PCGF6: variants seen among roughly 807,000 people sequenced by gnomAD.
PCGF6 encodes polycomb group RING finger protein 6.
In PCGF6, 24 loss-of-function variants were observed where a neutral mutation model predicts 45.5. That is an observed-to-expected ratio of 0.53 (90% CI 0.38 to 0.74). PCGF6 has a LOEUF of 0.74. PCGF6 is among the 30% of genes least tolerant of loss of function. The pLI, the probability that PCGF6 is intolerant of heterozygous loss-of-function variation, is 0.00. For synonymous variants in PCGF6, 152 were observed against 162.1 expected, an observed-to-expected ratio of 0.94 and a Z score of 0.47; for missense variants, 356 against 443.2, an observed-to-expected ratio of 0.80 and a Z score of 1.77.
intron 7 of PCGF6, among the ~76,000 whole-genome samples, chr10:103,328,040 G>A (rs2093225780): frequency 6.6e-6 from 1 of 152,010 alleles, no homozygotes; most frequent in African/African-American, 2.4e-5. Flanking sequence ...TGGAATGTGG[G>A]ACCCAATAGT....
chr10:103,304,095 T>A, intron 9 of PCGF6, 134 bp from the exon 10 acceptor site: 1 of 681,954 alleles, frequency 1.5e-6, no homozygotes, highest in Non-Finnish European at 2.5e-6. Context: ...AGAAAATAAG[T>A]GGACCATATA....
chr10:103,307,280 T>C (rs11191649), intron 9 of PCGF6, among the ~76,000 whole-genome samples: 81,143 of 151,416 alleles, frequency 0.54, 22,176 homozygotes, highest in South Asian at 0.66. Flanking sequence ...CCCATTTCTA[T>C]GAAAAATAAA....
rs991032615 is a variant in PCGF6 at position 103,336,376 on chromosome 10, G to A, written c.783-2424C>T. Among the ~76,000 whole-genome samples the A allele has an allele frequency of 4.6e-5, 7 of 151,332 alleles. No homozygotes were observed. In the East Asian group the frequency reaches 7.7e-4, roughly 17 times the overall value. On this transcript the variant is annotated intron_variant, in intron 6 of 9. Transcript: ENST00000369847. ...ATATATAAATGTAAACTGTAAATCCGTAAATGTACAAATAAATATAAAATA... is the reference window on the plus strand; with the variant it reads ...ATATATAAATGTAAACTGTAAATCCATAAATGTACAAATAAATATAAAATA...
chr10:103,341,926 C>A (rs1297843090), intron 6 of PCGF6, among the ~76,000 whole-genome samples: 1 of 151,822 alleles, frequency 6.6e-6, no homozygotes, highest in Non-Finnish European at 1.5e-5. Context: ...TTCCTAGGGG[C>A]ACTGCCATTA....
intron 5 of PCGF6, among the ~76,000 whole-genome samples, chr10:103,345,517 T>C (rs925433638): frequency 1.2e-4 from 18 of 152,228 alleles, no homozygotes; most frequent in South Asian, 6.2e-4. Flanking sequence ...GCTTTTTTTT[T>C]TTTTCTTAAC....
intron 8 of PCGF6, among the ~76,000 whole-genome samples, chr10:103,315,625 C>T (rs563042656): frequency 2.0e-5 from 3 of 152,234 alleles, no homozygotes; most frequent in Non-Finnish European, 2.9e-5. Context: ...TCCCAAAATG[C>T]TGGGATTACA....
intron 9 of PCGF6, among the ~76,000 whole-genome samples, chr10:103,308,870 A>G (rs535489850): frequency 2.0e-5 from 3 of 151,966 alleles, no homozygotes; most frequent in Non-Finnish European, 2.9e-5. Flanking sequence ...GAGAGACTCC[A>G]TCTCAAAAAA....
chr10:103,313,087 T>C (rs1475156695), intron 9 of PCGF6, among the ~76,000 whole-genome samples: 1 of 152,260 alleles, frequency 6.6e-6, no homozygotes, highest in African/African-American at 2.4e-5. Context: ...GTTTTTATTA[T>C]TTTGACTAAG....
At chr10:103,329,941 G>A (rs2093233911) in intron 7 of PCGF6, among the ~76,000 whole-genome samples, 1 of 150,828 alleles carries the variant, frequency 6.6e-6, no homozygotes, top group Non-Finnish European at 1.5e-5. Context: ...ACCATGCCCT[G>A]CTAATTTTTT....
chr10:103,348,991 A>T lies in PCGF6; in HGVS notation c.369T>A (p.Ile123=). 6.2e-7 allele frequency: 1 copy of T among 1,610,186 alleles called. No homozygotes were observed. Among genetic ancestry groups the T allele is most frequent in the South Asian group, 1.1e-5 (1 of 89,928 alleles). The change falls in exon 2 of 10, where the codon ATT becomes ATA. Residue 123 remains isoleucine, a synonymous_variant. Coordinates refer to ENST00000369847, the MANE Select transcript of PCGF6 (RefSeq NM_001011663.2). ...QDSEDEEERL[I]NLSELTPYIL... ...TGTATGGGGTCAGCTCAGAGAGATT[A>T]ATCAGGCGCTGCAAATAAACGGAAA...
intron 9 of PCGF6, among the ~76,000 whole-genome samples, chr10:103,304,298 A>G (rs1349660484): frequency 6.6e-6 from 1 of 151,526 alleles, no homozygotes; most frequent in Non-Finnish European, 1.5e-5. Context: ...CACCATACTC[A>G]GCTAATTTTT....
chr10:103,326,694 T>C, intron 7 of PCGF6, 62 bp from the exon 8 acceptor site: 1 of 1,197,310 alleles, frequency 8.4e-7, no homozygotes, highest in Non-Finnish European at 1.2e-6. Context: ...GCATGACGTA[T>C]GTGTATATAT....
chr10:103,347,790 G>A (rs1310237179), intron 3 of PCGF6, among the ~76,000 whole-genome samples: 2 of 152,104 alleles, frequency 1.3e-5, no homozygotes, highest in African/African-American at 4.8e-5. Context: ...CTAGGCTTAG[G>A]TGGATTTTTC....
chr10:103,316,239 C>T (rs1410111416), intron 8 of PCGF6, among the ~76,000 whole-genome samples: 1 of 152,100 alleles, frequency 6.6e-6, no homozygotes, highest in Non-Finnish European at 1.5e-5. Flanking sequence ...CTTTCAACTA[C>T]TGCCCATAGA....
At chr10:103,308,141 A>G (rs1223602516) in intron 9 of PCGF6, among the ~76,000 whole-genome samples, 1 of 152,084 alleles carries the variant, frequency 6.6e-6, no homozygotes, top group South Asian at 2.1e-4. Flanking sequence ...GAGCCCCCAC[A>G]TAGGGTCTCC....
chr10:103,307,715 CT>C (rs1409880846), intron 9 of PCGF6, among the ~76,000 whole-genome samples: 1 of 152,072 alleles, frequency 6.6e-6, no homozygotes, highest in Non-Finnish European at 1.5e-5. Context: ...TCAAGTGACC[CT>C]CCCGCCTCGG....
At chr10:103,310,694 A>C (rs2093154155) in intron 9 of PCGF6, among the ~76,000 whole-genome samples, 1 of 151,860 alleles carries the variant, frequency 6.6e-6, no homozygotes, top group South Asian at 2.1e-4. Context: ...AAAAAAAAAT[A>C]TTATTTCTTT....
intron 7 of PCGF6, among the ~76,000 whole-genome samples, chr10:103,333,604 G>A (rs907322353): frequency 6.6e-6 from 1 of 152,050 alleles, no homozygotes. Context: ...AGCAAAAAAT[G>A]TTACATGCAA....
chr10:103,348,777 T>C lies in PCGF6; in HGVS notation c.496A>G (p.Ser166Gly), dbSNP rs139995358. Residue 166 changes from serine to glycine, a missense_variant, in exon 3 of 10, where the codon AGC (serine) becomes GGC (glycine). This residue lies in a region of PCGF6 where 307 missense variants were observed against 350.1 expected (regional missense o/e 0.88). Transcript: ENST00000369847. ...KSCIVRHFYY[S>G]NRCPKCNIVV... ...ATATTGCATTTTGGACATCTGTTGC[T>C]GTAGTAAAAATGTCTTACGATGCAG... 3 of 1,613,074 alleles carry C rather than the reference T, an allele frequency of 1.9e-6. No homozygotes were observed. In the African/African-American group the frequency reaches 4.0e-5, roughly 22 times the overall value.
Sources: allele counts gnomAD v4.1 joint callset (sites outside exome capture counted in the v4.1 genomes callset), GRCh38; gene constraint gnomAD v4.1.1; regional missense constraint gnomAD v4.1.1; transcripts MANE v1.5; gene names NCBI Gene and HGNC (gene_info 2026-07-23, HGNC 2026-07-21).